Variants in ARPP21 observed in about 807,000 individuals in gnomAD.
ARPP21 encodes cAMP-regulated phosphoprotein 21.
ARPP21 carries 69 observed loss-of-function variants against 113.2 expected under a neutral mutation model. That is an observed-to-expected ratio of 0.61 (90% CI 0.50 to 0.74). ARPP21 has a LOEUF of 0.74. ARPP21 is among the 30% of genes least tolerant of loss of function. The pLI, the probability that ARPP21 is intolerant of heterozygous loss-of-function variation, is 0.00. For synonymous variants in ARPP21, 368 were observed against 375.5 expected (o/e 0.98, Z 0.23); for missense variants, 1,070 against 1,037.4 (o/e 1.03, Z -0.43).
intron 19 of ARPP21, among the ~76,000 whole-genome samples, chr3:35,748,520 G>A (rs913460113): frequency 6.6e-6 from 1 of 151,938 alleles, no homozygotes; most frequent in East Asian, 1.9e-4. Flanking sequence ...AGGAAAGAAA[G>A]AGGAAAGAAA....
At chr3:35,640,570 T>A (rs543462779) in intron 1 of ARPP21, among the ~76,000 whole-genome samples, 172 bp downstream of exon 1, 1 of 152,200 alleles carries the variant, frequency 6.6e-6, no homozygotes, top group African/African-American at 2.4e-5. Flanking sequence ...GTGTTTTTTA[T>A]GTTTCGTCAA....
chr3:35,737,386 G>T (rs764023554), intron 16 of ARPP21, 24 bp downstream of exon 16: 1 of 1,562,198 alleles, frequency 6.4e-7, no homozygotes, highest in South Asian at 1.2e-5. Context: ...TGGAAGGCAG[G>T]GAAGGGAAGT....
At position 35,765,313 on chromosome 3, in the gene ARPP21, G is replaced by A. The variant is rs79090439; in HGVS notation, c.2137+21348G>A. 4.1e-3 allele frequency among the ~76,000 whole-genome samples: 624 copies of A among 152,226 alleles called. 1 individual carries two copies. The highest frequency in any genetic ancestry group is 0.014 in the African/African-American group (592 of 41,548). On this transcript the variant is annotated intron_variant, in intron 19 of 20. Transcript: ENST00000684406. The stretch of plus-strand genomic sequence containing the variant: ...TTCTTCGGTAATTTGTGTTGAGAGA[G>A]TGATAGCAAAGCTTGTTAGAAACAT...
intron 1 of ARPP21, among the ~76,000 whole-genome samples, chr3:35,662,653 G>C (rs1708347930): frequency 1.3e-5 from 2 of 152,178 alleles, no homozygotes; most frequent in Admixed American, 1.3e-4. Flanking sequence ...AGGGCTTCTA[G>C]TACCCTCTTG....
intron 19 of ARPP21, among the ~76,000 whole-genome samples, chr3:35,747,359 TAAAAA>T (rs34264524): frequency 9.2e-6 from 1 of 108,894 alleles, no homozygotes; most frequent in Admixed American, 1.0e-4. Context: ...AGACTCCATC[TAAAAA>T]AAAAAAAAAA....
At chr3:35,647,151 T>C (rs1700555712) in intron 1 of ARPP21, among the ~76,000 whole-genome samples, 1 of 152,184 alleles carries the variant, frequency 6.6e-6, no homozygotes, top group African/African-American at 2.4e-5. Context: ...AATTATTGTC[T>C]TCAGCCAGAA....
At chr3:35,659,395 A>G (rs972215901) in intron 1 of ARPP21, among the ~76,000 whole-genome samples, 1 of 152,204 alleles carries the variant, frequency 6.6e-6, no homozygotes, top group African/African-American at 2.4e-5. Flanking sequence ...CAATTGAAAA[A>G]TTAATACACC....
At chr3:35,758,396 A>G (rs1425251473) in intron 19 of ARPP21, among the ~76,000 whole-genome samples, 1 of 152,048 alleles carries the variant, frequency 6.6e-6, no homozygotes, top group Non-Finnish European at 1.5e-5. Context: ...CCAAACAAGG[A>G]CAATGCCATA....
At chr3:35,736,344 C>G (rs953056441) in intron 15 of ARPP21, among the ~76,000 whole-genome samples, 4 of 152,070 alleles carry the variant, frequency 2.6e-5, no homozygotes, top group Non-Finnish European at 5.9e-5. Flanking sequence ...GCTTTTTATT[C>G]CCATAATTTT....
intron 14 of ARPP21, among the ~76,000 whole-genome samples, chr3:35,728,688 C>G (rs1383794750): frequency 6.6e-6 from 1 of 152,128 alleles, no homozygotes; most frequent in Non-Finnish European, 1.5e-5. Context: ...CTAAACCATG[C>G]CACTCCTTAA....
chr3:35,739,366 C>G lies in ARPP21; in HGVS notation c.1799C>G (p.Ser600Cys). 7 of 1,614,140 alleles carry G rather than the reference C, an allele frequency of 4.3e-6. No homozygotes were observed. Among genetic ancestry groups the G allele is most frequent in the Non-Finnish European group, 5.9e-6 (7 of 1,180,034 alleles). The part of the protein sequence containing the change: ...QFGQMTLSRQ[S>C]SGETPEPPSG... ...GGCCAGATGACCCTGAGCCGGCAGT[C>G]CTCGGGGGAGACTCCTGAACCCCCA... The change falls in exon 18 of 21, where the codon TCC becomes TGC. Residue 600 changes from serine (S) to cysteine (C), a missense_variant. Ser to Cys is a moderately radical substitution (Grantham distance 112). Transcript: ENST00000684406.
intron 19 of ARPP21, among the ~76,000 whole-genome samples, chr3:35,773,155 A>T (rs1394278871): frequency 6.6e-6 from 1 of 152,106 alleles, no homozygotes; most frequent in African/African-American, 2.4e-5. Flanking sequence ...TTTTTGGTGA[A>T]CCCTGGGAGT....
At position 35,740,487 on chromosome 3, in the gene ARPP21, G is replaced by T. The variant is rs150348675; in HGVS notation, c.2010+910G>T. On this transcript the variant is annotated intron_variant, in intron 18 of 20. Coordinates refer to ENST00000684406, the MANE Select transcript of ARPP21 (RefSeq NM_001385562.1). ...CAAGCCACACAAAACCCTCTACCAA[G>T]AAATAATTGTCACTAAATTGTTCAT... 1.5e-3 allele frequency among the ~76,000 whole-genome samples: 228 copies of T among 152,224 alleles called. 2 individuals carry two copies. Among genetic ancestry groups the T allele is most frequent in the African/African-American group, 4.5e-3 (189 of 41,542 alleles).
intron 1 of ARPP21, chr3:35,643,616 A>C (rs955787839): frequency 1.6e-4 from 25 of 152,066 alleles, no homozygotes; most frequent in Admixed American, 6.5e-5. Context: ...TCAGCCACTG[A>C]AGACACAATA....
intron 1 of ARPP21, among the ~76,000 whole-genome samples, chr3:35,666,031 T>C (rs1263414398): frequency 6.6e-6 from 1 of 151,986 alleles, no homozygotes; most frequent in Non-Finnish European, 1.5e-5. Context: ...AACCTTACGG[T>C]TCAAAGAATA....
At chr3:35,695,394 C>G (rs963226803) in intron 9 of ARPP21, among the ~76,000 whole-genome samples, 13 of 151,442 alleles carry the variant, frequency 8.6e-5, no homozygotes, top group African/African-American at 2.9e-4. Flanking sequence ...ACTTCGGTGG[C>G]GGTGGTCACA....
intron 19 of ARPP21, among the ~76,000 whole-genome samples, chr3:35,747,329 C>A: frequency 6.9e-6 from 1 of 145,502 alleles, no homozygotes; most frequent in East Asian, 2.0e-4. Flanking sequence ...CACTCCAAAT[C>A]CAGCCTGGGC....
At position 35,792,401 on chromosome 3, in the gene ARPP21, T is replaced by C; in HGVS notation, c.2157T>C (p.Ser719=). The C allele has an allele frequency of 6.2e-7, 1 of 1,614,022 alleles. No homozygotes were observed. The highest frequency in any genetic ancestry group is 1.1e-5 in the South Asian group (1 of 91,080). The change falls in exon 20 of 21, where the codon TCT becomes TCC. Residue 719 remains serine (S), a synonymous_variant. Coordinates refer to ENST00000684406, the MANE Select transcript of ARPP21 (RefSeq NM_001385562.1). ...TCGCAGGTTACCAGCCAGTCTTGTC[T>C]GGTCAACAGGGATTCCAAGGCCTAA... ...AQQAGYQPVL[S]GQQGFQGLIG...
intron 19 of ARPP21, among the ~76,000 whole-genome samples, chr3:35,770,043 G>A (rs1445404770): frequency 6.6e-6 from 1 of 152,176 alleles, no homozygotes; most frequent in Admixed American, 6.5e-5. Flanking sequence ...AGAATACACT[G>A]CATCAGTGCA....
Sources: allele counts gnomAD v4.1 joint callset (sites outside exome capture counted in the v4.1 genomes callset), GRCh38; gene constraint gnomAD v4.1.1; transcripts MANE v1.5; gene names NCBI Gene and HGNC (gene_info 2026-07-23, HGNC 2026-07-21).